The following TSHZ2 variants were observed in gnomAD, a reference collection of about 807,000 sequenced individuals.
The protein encoded by TSHZ2 is teashirt homolog 2.
A neutral mutation model predicts 74.4 loss-of-function variants in TSHZ2; 21 were observed. The observed-to-expected ratio is 0.28, with a 90% CI of 0.20 to 0.41. The LOEUF (loss-of-function observed/expected upper bound fraction) is 0.41, where lower values mean the gene tolerates loss of function less well. Ranked by LOEUF, TSHZ2 falls within the 10% of genes least tolerant of loss-of-function variation. The pLI, the probability that TSHZ2 is intolerant of heterozygous loss-of-function variation, is 1.00. For missense variants in TSHZ2, 1,244 were observed against 1,293.5 expected (o/e 0.96, Z 0.59); for synonymous variants, 540 against 515.3 (o/e 1.05, Z -0.65).
intron 1 of TSHZ2, among the ~76,000 whole-genome samples, chr20:53,133,469 T>C (rs1344877424): frequency 6.6e-6 from 1 of 152,198 alleles, no homozygotes; most frequent in Admixed American, 6.5e-5. Flanking sequence ...GTAGCACATA[T>C]GCATGCCATG....
At chr20:53,433,568 GACAC>G (rs1983919617) in intron 2 of TSHZ2, among the ~76,000 whole-genome samples, 2 of 89,014 alleles carry the variant, frequency 2.2e-5, no homozygotes, top group African/African-American at 4.6e-5. Context: ...AACCAACACA[GACAC>G]ACAGACACAC....
chr20:53,166,462 A>AT (rs1297601354), intron 1 of TSHZ2, among the ~76,000 whole-genome samples: 1 of 152,156 alleles, frequency 6.6e-6, no homozygotes, highest in Non-Finnish European at 1.5e-5. Context: ...TACAAAAAAA[A>AT]CTAAACATTT....
intron 2 of TSHZ2, among the ~76,000 whole-genome samples, chr20:53,477,962 A>G (rs1329225797): frequency 1.4e-5 from 2 of 145,268 alleles, no homozygotes; most frequent in African/African-American, 5.2e-5. Flanking sequence ...CCACAATGAG[A>G]TACTATCTCA....
Position 53,489,426 on chromosome 20 carries a change from G to T in TSHZ2, c.*2291G>T. On this transcript the variant is annotated 3_prime_UTR_variant, in exon 3 of 3. Transcript: ENST00000371497. The stretch of plus-strand genomic sequence containing the variant: ...AAGGAAAATCAATGCATTAGTATTG[G>T]GGTTCTCGTAGCTGTTAAAAATTGT... 3.0e-6 allele frequency: 1 copy of T among 338,210 alleles called. No individual in the cohort carries two copies. Among genetic ancestry groups the T allele is most frequent in the Non-Finnish European group, 5.8e-6 (1 of 172,054 alleles). The allele number at this position is 338,210 out of a possible 1,614,324, so 21.0% of individuals were successfully genotyped here. A position where few individuals can be genotyped will look rare whatever the true frequency, so the allele number is the denominator to read the frequency against.
chr20:53,250,748 C>A (rs1288560302), intron 1 of TSHZ2, among the ~76,000 whole-genome samples: 2 of 150,960 alleles, frequency 1.3e-5, no homozygotes, highest in Non-Finnish European at 2.9e-5. Flanking sequence ...CTGTCTCTGA[C>A]TTTTCTTCTG....
intron 2 of TSHZ2, among the ~76,000 whole-genome samples, chr20:53,344,833 G>T (rs147106034): frequency 1.3e-5 from 2 of 152,306 alleles, no homozygotes; most frequent in East Asian, 3.9e-4. Flanking sequence ...CTTATGCCAT[G>T]ATAAAATCCC....
At chr20:53,337,464 G>A (rs1001355632) in intron 2 of TSHZ2, among the ~76,000 whole-genome samples, 30 of 152,136 alleles carry the variant, frequency 2.0e-4, no homozygotes, top group Non-Finnish European at 3.7e-4. Flanking sequence ...TTCATTGGAC[G>A]GAACTGTCAC....
At chr20:53,346,480 A>G (rs562649351) in intron 2 of TSHZ2, among the ~76,000 whole-genome samples, 1 of 152,300 alleles carries the variant, frequency 6.6e-6, no homozygotes, top group African/African-American at 2.4e-5. Context: ...GAAATGTGAC[A>G]TCTGTGCGTG....
At chr20:53,318,877 C>T (rs550519817) in intron 2 of TSHZ2, among the ~76,000 whole-genome samples, 1 of 152,310 alleles carries the variant, frequency 6.6e-6, no homozygotes, top group South Asian at 2.1e-4. Flanking sequence ...AATGGACTCA[C>T]AGTTCCACAT....
At chr20:53,113,877 C>G (rs1568765866) in intron 1 of TSHZ2, among the ~76,000 whole-genome samples, 1 of 151,972 alleles carries the variant, frequency 6.6e-6, no homozygotes, top group South Asian at 2.1e-4. Context: ...TATGGATTAT[C>G]TGGTTTTCAC....
intron 1 of TSHZ2, among the ~76,000 whole-genome samples, chr20:53,176,540 G>C (rs189009555): frequency 4.2e-4 from 64 of 152,252 alleles, no homozygotes; most frequent in Non-Finnish European, 8.4e-4. Context: ...CTACAGCATT[G>C]ATTACTGGAG....
intron 1 of TSHZ2, among the ~76,000 whole-genome samples, chr20:53,004,772 C>T (rs1054394372): frequency 2.0e-5 from 3 of 151,904 alleles, no homozygotes; most frequent in Non-Finnish European, 4.4e-5. Context: ...CTGAGTGGTT[C>T]AATATAATAA....
At chr20:53,065,108 C>A (rs1422925379) in intron 1 of TSHZ2, among the ~76,000 whole-genome samples, 1 of 152,178 alleles carries the variant, frequency 6.6e-6, no homozygotes, top group South Asian at 2.1e-4. Flanking sequence ...AACCTCACTG[C>A]GCCTCATTCG....
intron 1 of TSHZ2, among the ~76,000 whole-genome samples, chr20:53,234,191 T>G (rs771850737): frequency 2.6e-5 from 4 of 152,224 alleles, no homozygotes; most frequent in Admixed American, 6.5e-5. Flanking sequence ...GAAGCAAGAC[T>G]AGTCCCTGGG....
chr20:53,255,908 C>T lies in TSHZ2; in HGVS notation c.2450C>T (p.Pro817Leu), dbSNP rs1208216188. Residue 817 changes from proline to leucine, a missense_variant, in exon 2 of 3, where the codon CCC (proline) becomes CTC (leucine). Physicochemically the swap from Pro to Leu is moderately conservative, Grantham distance 98. Coordinates refer to ENST00000371497, the MANE Select transcript of TSHZ2 (RefSeq NM_173485.6). This position sits in a 1 kb window ranked among gnomAD's most constrained non-coding sequence, Gnocchi z 4.1. Reference sequence around the variant, plus strand: ...AAGCCAGCCTCCTCCTCCAGGGTCCCCCCCATGAAGCTGGAAATGGATGTC... The same window carrying T: ...AAGCCAGCCTCCTCCTCCAGGGTCCTCCCCATGAAGCTGGAAATGGATGTC... Reference protein sequence around the residue: ...TPKPASSSRVPPMKLEMDVRR... With the variant: ...TPKPASSSRVLPMKLEMDVRR... 6.2e-7 allele frequency: 1 copy of T among 1,614,030 alleles called. No individual in the cohort carries two copies. Among genetic ancestry groups the T allele is most frequent in the African/African-American group, 1.3e-5 (1 of 74,908 alleles).
intron 1 of TSHZ2, among the ~76,000 whole-genome samples, chr20:53,225,475 A>T (rs938659020): frequency 2.0e-5 from 3 of 152,210 alleles, no homozygotes; most frequent in Non-Finnish European, 4.4e-5. Flanking sequence ...TTGGAAGGCC[A>T]GAGCTTCCCA....
chr20:53,391,151 T>TTTTGTTTTGGTTTGG (rs1262456604), intron 2 of TSHZ2, among the ~76,000 whole-genome samples: 3 of 150,940 alleles, frequency 2.0e-5, no homozygotes, highest in African/African-American at 7.4e-5. Flanking sequence ...TTTTGTTTTG[T>TTTTGTTTTGGTTTGG]TTTGGTTTGG....
intron 1 of TSHZ2, among the ~76,000 whole-genome samples, chr20:53,080,610 C>T (rs1251321120): frequency 6.6e-6 from 1 of 152,146 alleles, no homozygotes; most frequent in East Asian, 1.9e-4. Flanking sequence ...GAATGTGCAA[C>T]CTAGATCCCT....
At chr20:53,470,857 T>C (rs1384588202) in intron 2 of TSHZ2, among the ~76,000 whole-genome samples, 1 of 152,192 alleles carries the variant, frequency 6.6e-6, no homozygotes, top group Non-Finnish European at 1.5e-5. Context: ...TTTTTCTTTT[T>C]TCATTTTCAA....
Sources: allele counts gnomAD v4.1 joint callset (sites outside exome capture counted in the v4.1 genomes callset), GRCh38; gene constraint gnomAD v4.1.1; non-coding constraint Gnocchi (gnomAD v3.1); transcripts MANE v1.5; gene names NCBI Gene and HGNC (gene_info 2026-07-23, HGNC 2026-07-21).